TMEM135: variants seen among roughly 807,000 people sequenced by gnomAD.
TMEM135 encodes peroxisomal membrane protein 52.
In TMEM135, 30 loss-of-function variants were observed where a neutral mutation model predicts 60.3. The ratio of observed to expected loss-of-function variants is 0.50; its 90% CI spans 0.37 to 0.68. The LOEUF is 0.68. TMEM135 is among the 30% of genes least tolerant of loss of function. The pLI is 0.00. For missense variants in TMEM135, 468 were observed against 548.8 expected (o/e 0.85, Z 1.47); for synonymous variants, 190 against 186.7 (o/e 1.02, Z -0.14).
At position 87,326,821 on chromosome 11, in the gene TMEM135, C is replaced by T. The variant is rs1226006700; in HGVS notation, c.*5488C>T. 1 of 448,878 alleles carries T rather than the reference C, an allele frequency of 2.2e-6. No homozygotes were observed. Among genetic ancestry groups the T allele is most frequent in the African/African-American group, 2.0e-5 (1 of 49,436 alleles). The allele number at this position is 448,878 out of a possible 1,614,324, so 27.8% of individuals were successfully genotyped here. ...GGCAGTTTTTGATAGCCTGTCACTG[C>T]TCAGGGATAGCACTAAGGCTCTCTT... On this transcript the variant is annotated 3_prime_UTR_variant, in exon 15 of 15. Transcript: ENST00000305494.
intron 5 of TMEM135, among the ~76,000 whole-genome samples, chr11:87,187,138 A>T (rs531611342): frequency 6.6e-6 from 1 of 152,100 alleles, no homozygotes; most frequent in African/African-American, 2.4e-5. Flanking sequence ...TTTGTGTCTC[A>T]TGGGGAGCTA....
chr11:87,094,920 C>T (rs1457971277), intron 4 of TMEM135: 2 of 154,454 alleles, frequency 1.3e-5, no homozygotes, highest in African/African-American at 4.8e-5. Context: ...TCACCAGTGA[C>T]TCCTCAAGTG....
chr11:87,182,530 A>G (rs991265669), intron 5 of TMEM135, among the ~76,000 whole-genome samples: 2 of 152,154 alleles, frequency 1.3e-5, no homozygotes, highest in African/African-American at 2.4e-5. Flanking sequence ...ACATCTAAGT[A>G]TATGGCAAAT....
At chr11:87,251,040 A>G (rs920066319) in intron 6 of TMEM135, among the ~76,000 whole-genome samples, 3 of 152,172 alleles carry the variant, frequency 2.0e-5, no homozygotes, top group Non-Finnish European at 2.9e-5. Context: ...GCTGGAAGGT[A>G]AGCAAATTAT....
At position 87,181,476 on chromosome 11, in the gene TMEM135, T is replaced by A. The variant is rs558687121; in HGVS notation, c.462+24070T>A. 2.6e-5 allele frequency among the ~76,000 whole-genome samples: 4 copies of A among 152,274 alleles called. No individual in the cohort carries two copies. In the South Asian group the frequency reaches 8.3e-4, roughly 32 times the overall value. ...ACATTTACAGATTCATAATATTCAG[T>A]AAATTCCAAAAATGCCAAATATCGT... On this transcript the variant is annotated intron_variant, in intron 5 of 14. Transcript: ENST00000305494.
At chr11:87,058,965 T>G (rs545993386) in intron 1 of TMEM135, among the ~76,000 whole-genome samples, 21 of 151,700 alleles carry the variant, frequency 1.4e-4, no homozygotes, top group African/African-American at 4.6e-4. Context: ...TGAGACAGAG[T>G]CTCGCTCTGT....
chr11:87,120,916 A>G (rs965023680), intron 4 of TMEM135: 1 of 152,270 alleles, frequency 6.6e-6, no homozygotes, highest in Admixed American at 6.5e-5. Flanking sequence ...TACCCAGCAA[A>G]TTTTGACTCT....
At position 87,186,974 on chromosome 11, in the gene TMEM135, A is replaced by G. The variant is rs183791353; in HGVS notation, c.462+29568A>G. On this transcript the variant is annotated intron_variant, in intron 5 of 14. Transcript: ENST00000305494. ...ATATAATTATTGTGTAGTTAATACT[A>G]TGGGTACTTTGATTTTATGATTTAT... Among the ~76,000 whole-genome samples, 26 of 152,320 alleles carry G rather than the reference A, an allele frequency of 1.7e-4. No homozygotes were observed. In the East Asian group the frequency reaches 5.0e-3, roughly 29 times the overall value.
chr11:87,239,558 T>C (rs1941083656), intron 6 of TMEM135, among the ~76,000 whole-genome samples: 1 of 152,024 alleles, frequency 6.6e-6, no homozygotes, highest in Non-Finnish European at 1.5e-5. Context: ...TTATGTTAAA[T>C]CTAATTGCAT....
At chr11:87,089,991 C>G (rs753776583) in intron 3 of TMEM135, among the ~76,000 whole-genome samples, 1 of 152,120 alleles carries the variant, frequency 6.6e-6, no homozygotes, top group Admixed American at 6.6e-5. Flanking sequence ...TCGTTTGCTG[C>G]ATAGATCATC....
At chr11:87,140,746 A>C (rs2135244932) in intron 4 of TMEM135, among the ~76,000 whole-genome samples, 1 of 152,248 alleles carries the variant, frequency 6.6e-6, no homozygotes, top group African/African-American at 2.4e-5. Context: ...TTCTTCCAGA[A>C]GTTTTATGTT....
intron 6 of TMEM135, among the ~76,000 whole-genome samples, chr11:87,254,307 A>G (rs868330651): frequency 2.0e-5 from 3 of 152,170 alleles, no homozygotes; most frequent in Non-Finnish European, 4.4e-5. Flanking sequence ...CAGAGTTTTC[A>G]TTGACTTAAT....
intron 13 of TMEM135, 87 bp from the exon 14 acceptor site, chr11:87,319,223 A>G (rs1014849015): frequency 2.2e-5 from 25 of 1,156,428 alleles, no homozygotes; most frequent in Non-Finnish European, 2.9e-5. Flanking sequence ...ATAGTTACCA[A>G]CTTAAACATC....
intron 3 of TMEM135, among the ~76,000 whole-genome samples, chr11:87,084,036 C>A (rs1054990866): frequency 6.6e-6 from 1 of 151,496 alleles, no homozygotes; most frequent in Non-Finnish European, 1.5e-5. Context: ...TACTGTATTC[C>A]CCAGCGGCCT....
intron 5 of TMEM135, among the ~76,000 whole-genome samples, chr11:87,224,927 A>G (rs576455288): frequency 6.6e-6 from 1 of 152,184 alleles, no homozygotes; most frequent in East Asian, 1.9e-4. Context: ...TTTTGTTCAT[A>G]ATATTTAGAT....
chr11:87,248,721 C>T (rs1941349730), intron 6 of TMEM135, among the ~76,000 whole-genome samples: 1 of 152,028 alleles, frequency 6.6e-6, no homozygotes, highest in African/African-American at 2.4e-5. Context: ...GACATTTTGA[C>T]AATACTGATT....
chr11:87,100,468 C>G (rs1353224084), intron 4 of TMEM135, among the ~76,000 whole-genome samples: 1 of 152,094 alleles, frequency 6.6e-6, no homozygotes, highest in Non-Finnish European at 1.5e-5. Context: ...GATTATATTG[C>G]TTATGAGACT....
At position 87,324,957 on chromosome 11, in the gene TMEM135, T is replaced by C. The variant is rs1194596727; in HGVS notation, c.*3624T>C. 4 of 454,090 alleles carry C rather than the reference T, an allele frequency of 8.8e-6. No homozygotes were observed. The highest frequency in any genetic ancestry group is 1.3e-5 in the Non-Finnish European group (3 of 226,776). The allele number at this position is 454,090 out of a possible 1,614,324, so 28.1% of individuals were successfully genotyped here. A position where few individuals can be genotyped will look rare whatever the true frequency, so the allele number is the denominator to read the frequency against. The stretch of plus-strand genomic sequence containing the variant: ...AGGAATAAGAAGTGATTATTTTCTT[T>C]AGGGCTGCACTTTGAATGTGATGAG... On this transcript the variant is annotated 3_prime_UTR_variant, in exon 15 of 15. Coordinates refer to ENST00000305494, the MANE Select transcript of TMEM135 (RefSeq NM_022918.4).
At chr11:87,233,552 G>A (rs74713673) in intron 5 of TMEM135, among the ~76,000 whole-genome samples, 4,572 of 152,156 alleles carry the variant, frequency 0.03, 211 homozygotes, top group African/African-American at 0.1. Context: ...ATATAGCTAT[G>A]TTGAAACTTA....
Sources: allele counts gnomAD v4.1 joint callset (sites outside exome capture counted in the v4.1 genomes callset), GRCh38; gene constraint gnomAD v4.1.1; transcripts MANE v1.5; gene names NCBI Gene and HGNC (gene_info 2026-07-23, HGNC 2026-07-21).